NXPH4: variants seen among roughly 807,000 people sequenced by gnomAD.
NXPH4 encodes the protein neurexophilin 4, also known as neurexophilin-4.
A neutral mutation model predicts 21.3 loss-of-function variants in NXPH4; 8 were observed. The observed-to-expected ratio is 0.38, with a 90% confidence interval of 0.22 to 0.68. NXPH4 has a LOEUF of 0.68. Ranked by LOEUF, NXPH4 falls within the 30% of genes least tolerant of loss-of-function variation. The pLI is 0.53. For synonymous variants in NXPH4, 219 were observed against 192.6 expected (o/e 1.14, Z -1.13); for missense variants, 418 against 416.8 (o/e 1.00, Z -0.03).
chr12:57,225,306 G>T lies in NXPH4; in HGVS notation c.486G>T (p.Glu162Asp). 1 of 1,556,238 alleles carries T rather than the reference G, an allele frequency of 6.4e-7. No homozygotes were observed. The highest frequency in any genetic ancestry group is 1.2e-5 in the South Asian group (1 of 82,060). ...VSIVPPSKRVEFGGVWLPGPV... is the reference protein window; with the variant it reads ...VSIVPPSKRVDFGGVWLPGPV... The stretch of plus-strand genomic sequence containing the variant: ...TCGTGCCGCCCTCCAAGCGTGTCGA[G>T]TTCGGAGGAGTCTGGCTGCCCGGGC... The change falls in exon 2 of 2, where the codon GAG becomes GAT. Residue 162 changes from glutamate (E) to aspartate (D), a missense_variant. Physicochemically the swap from Glu to Asp is conservative, Grantham distance 45 (BLOSUM62 2). Coordinates refer to ENST00000349394, the MANE Select transcript of NXPH4 (RefSeq NM_007224.4).
At chr12:57,221,126 ATCCCAG>A (rs1191972845) in intron 1 of NXPH4, among the ~76,000 whole-genome samples, 1 of 151,248 alleles carries the variant, frequency 6.6e-6, no homozygotes, top group African/African-American at 2.4e-5. Context: ...CCAGTCCCCA[ATCCCAG>A]TCCCCCTCCC....
At chr12:57,224,189 G>A (rs1399780132) in intron 1 of NXPH4, among the ~76,000 whole-genome samples, 2 of 151,846 alleles carry the variant, frequency 1.3e-5, no homozygotes, top group African/African-American at 2.4e-5. Flanking sequence ...GCAATGGTGC[G>A]ATCTAGGCTT....
intron 1 of NXPH4, among the ~76,000 whole-genome samples, chr12:57,222,935 T>C (rs973115142): frequency 1.3e-5 from 2 of 151,868 alleles, no homozygotes; most frequent in African/African-American, 4.8e-5. Flanking sequence ...GACCAGGCGG[T>C]GGAGATTCTA....
At position 57,224,985 on chromosome 12, in the gene NXPH4, T is replaced by C. The variant is rs2037127166; in HGVS notation, c.165T>C (p.Ser55=). The C allele has an allele frequency of 6.8e-7, 1 of 1,463,840 alleles. No individual in the cohort carries two copies. The highest frequency in any genetic ancestry group is 2.8e-5 in the East Asian group (1 of 36,266). The allele number at this position is 1,463,840 out of a possible 1,614,324, so 90.7% of individuals were successfully genotyped here. A position where few individuals can be genotyped will look rare whatever the true frequency, so the allele number is the denominator to read the frequency against. ...GCCAGCAGCTCCCAGAGCCAAGGTC[T>C]TCGGACGGCCTAGGCGTGGGCCGCG... is the stretch of plus-strand genomic sequence containing the variant. The part of the protein sequence containing the change: ...APGQQLPEPR[S]SDGLGVGRAW... Residue 55 remains serine (S), a synonymous_variant, in exon 2 of 2, where the codon TCT becomes TCC. Transcript: ENST00000349394.
At chr12:57,221,787 A>G (rs2037094609) in intron 1 of NXPH4, among the ~76,000 whole-genome samples, 1 of 152,156 alleles carries the variant, frequency 6.6e-6, no homozygotes, top group East Asian at 1.9e-4. Context: ...ACCCTCAGCC[A>G]TGGAGGTGGG....
chr12:57,223,251 A>G (rs1386848269), intron 1 of NXPH4, among the ~76,000 whole-genome samples: 1 of 152,160 alleles, frequency 6.6e-6, no homozygotes, highest in Non-Finnish European at 1.5e-5. Flanking sequence ...TGACACCTCC[A>G]GACAACCACA....
chr12:57,216,953 C>T lies in NXPH4; in HGVS notation c.-17C>T, dbSNP rs1455570668. On this transcript the variant is annotated 5_prime_UTR_variant, in exon 1 of 2. Coordinates refer to ENST00000349394, the MANE Select transcript of NXPH4 (RefSeq NM_007224.4). The surrounding 1 kb of genome is among the most constrained non-coding windows in gnomAD (Gnocchi z 5.3). ...CCCGAGACCCGCCCAGCCTGCCCCGCTCAGCCGCCAGAGAAGATGCGGCTG... is the reference window on the plus strand; with the variant it reads ...CCCGAGACCCGCCCAGCCTGCCCCGTTCAGCCGCCAGAGAAGATGCGGCTG... 1.3e-6 allele frequency: 2 copies of T among 1,585,164 alleles called. No homozygotes were observed. The highest frequency in any genetic ancestry group is 1.7e-5 in the Admixed American group (1 of 57,474).
At chr12:57,224,400 G>T (rs1044180864) in intron 1 of NXPH4, among the ~76,000 whole-genome samples, 4 of 152,206 alleles carry the variant, frequency 2.6e-5, no homozygotes, top group African/African-American at 9.7e-5. Context: ...GGGATTACAG[G>T]CGTGAGTCAC....
At chr12:57,217,084 C>T (rs2037047038) in intron 1 of NXPH4, 58 bp downstream of exon 1, 2 of 1,458,290 alleles carry the variant, frequency 1.4e-6, no homozygotes, top group Non-Finnish European at 1.9e-6. Flanking sequence ...ACGCGAAGGT[C>T]CCAGTGTGCG....
Position 57,226,177 on chromosome 12 carries a change from T to C in NXPH4, c.*430T>C. 2.4e-6 allele frequency: 1 copy of C among 422,040 alleles called. No homozygotes were observed. The highest frequency in any genetic ancestry group is 4.2e-6 in the Non-Finnish European group (1 of 239,396). The allele number at this position is 422,040 out of a possible 1,614,324, so 26.1% of individuals were successfully genotyped here. On this transcript the variant is annotated 3_prime_UTR_variant, in exon 2 of 2. Transcript: ENST00000349394. Reference sequence around the variant, plus strand: ...TTGTCCTGCTTCACCCTACCCCGCCTAAGACTGTAAAGGCCTAAAAACCTC... The same window carrying C: ...TTGTCCTGCTTCACCCTACCCCGCCCAAGACTGTAAAGGCCTAAAAACCTC...
chr12:57,225,067 G>A lies in NXPH4; in HGVS notation c.247G>A (p.Ala83Thr), dbSNP rs879011762. The A allele has an allele frequency of 9.5e-6, 14 of 1,474,616 alleles. No homozygotes were observed. In the South Asian group the frequency reaches 1.6e-4, roughly 17 times the overall value. 91.3% of individuals were successfully genotyped at this position (1,474,616 alleles called of 1,614,324 possible). ...HTGALARAGA[A>T]GALPAQRTKR... Reference sequence around the variant, plus strand: ...GGGGGCGCTGGCCCGGGCAGGGGCAGCCGGGGCGTTGCCCGCGCAGCGCAC... The same window carrying A: ...GGGGGCGCTGGCCCGGGCAGGGGCAACCGGGGCGTTGCCCGCGCAGCGCAC... The change falls in exon 2 of 2, where the codon GCC (alanine) becomes ACC (threonine). Residue 83 changes from alanine to threonine, a missense_variant. Transcript: ENST00000349394.
Position 57,224,969 on chromosome 12 carries a change from T to C in NXPH4, c.149T>C (p.Leu50Pro). 7.0e-7 allele frequency: 1 copy of C among 1,431,078 alleles called. No homozygotes were observed. The highest frequency in any genetic ancestry group is 9.2e-7 in the Non-Finnish European group (1 of 1,091,782). The allele number at this position is 1,431,078 out of a possible 1,614,324, so 88.6% of individuals were successfully genotyped here. A position where few individuals can be genotyped will look rare whatever the true frequency, so the allele number is the denominator to read the frequency against. Residue 50 changes from leucine to proline, a missense_variant, in exon 2 of 2, where the codon CTC (leucine) becomes CCC (proline). Transcript: ENST00000349394. ...AAGAGAPGQQLPEPRSSDGLG... is the reference protein window; with the variant it reads ...AAGAGAPGQQPPEPRSSDGLG... ...GGAGCGGGTGCCCCCGGCCAGCAGC[T>C]CCCAGAGCCAAGGTCTTCGGACGGC...
In NXPH4 at chr12:57,225,267, C is replaced by G. The variant is rs1388613248; in HGVS notation, c.447C>G (p.Asn149Lys). 3 of 1,549,716 alleles carry G rather than the reference C, an allele frequency of 1.9e-6. No homozygotes were observed. The African/African-American group carries it at 4.1e-5, about 21-fold the overall frequency. The stretch of plus-strand genomic sequence containing the variant: ...GCCACAACTCGTCCAGCCTGGGCAA[C>G]CTCAGTGTCAGCATCGTGCCGCCCT... Reference protein sequence around the residue: ...YFRHNSSSLGNLSVSIVPPSK... With the variant: ...YFRHNSSSLGKLSVSIVPPSK... Residue 149 changes from asparagine (N) to lysine (K), a missense_variant, in exon 2 of 2, where the codon AAC (asparagine) becomes AAG (lysine). Physicochemically the swap from Asn to Lys is moderately conservative, Grantham distance 94 (BLOSUM62 0). Coordinates refer to ENST00000349394, the MANE Select transcript of NXPH4 (RefSeq NM_007224.4).
chr12:57,220,244 C>G (rs935251346), intron 1 of NXPH4, among the ~76,000 whole-genome samples: 2 of 152,152 alleles, frequency 1.3e-5, no homozygotes, highest in Non-Finnish European at 2.9e-5. Flanking sequence ...TCTCCCCCGC[C>G]TGCCCCTCCT....
At chr12:57,221,235 G>A (rs1007167610) in intron 1 of NXPH4, 9 of 419,558 alleles carry the variant, frequency 2.1e-5, no homozygotes, top group Admixed American at 2.5e-5. Context: ...AGACTCCACC[G>A]GCCCCTATTG....
intron 1 of NXPH4, among the ~76,000 whole-genome samples, chr12:57,222,085 T>C (rs1005210491): frequency 6.6e-6 from 1 of 152,142 alleles, no homozygotes; most frequent in Non-Finnish European, 1.5e-5. Flanking sequence ...TCTTATTTTA[T>C]TTTATTCCAT....
At chr12:57,224,684 A>G (rs1173162679) in intron 1 of NXPH4, among the ~76,000 whole-genome samples, 194 bp from the exon 2 acceptor site, 1 of 152,232 alleles carries the variant, frequency 6.6e-6, no homozygotes, top group Non-Finnish European at 1.5e-5. Context: ...CAGATCCATG[A>G]AGTGACTGGG....
rs756087156 is a variant in NXPH4 at position 57,225,466 on chromosome 12, C to A, written c.646C>A (p.Leu216Ile). The change falls in exon 2 of 2, where the codon CTT becomes ATT. Residue 216 changes from leucine to isoleucine, a missense_variant. Coordinates refer to ENST00000349394, the MANE Select transcript of NXPH4 (RefSeq NM_007224.4). ...CCTCGGGGGCGCACTGGCGGGGCCGCTTGGGGGCGCGTTGGGAGTGCCTGG... is the reference window on the plus strand; with the variant it reads ...CCTCGGGGGCGCACTGGCGGGGCCGATTGGGGGCGCGTTGGGAGTGCCTGG... ...GSLGGALAGPLGGALGVPGAK... is the reference protein window; with the variant it reads ...GSLGGALAGPIGGALGVPGAK... 1.3e-6 allele frequency: 2 copies of A among 1,599,576 alleles called. No individual in the cohort carries two copies. The highest frequency in any genetic ancestry group is 2.2e-5 in the South Asian group (2 of 90,602).
At chr12:57,224,360 A>C (rs1190278037) in intron 1 of NXPH4, among the ~76,000 whole-genome samples, 1 of 151,996 alleles carries the variant, frequency 6.6e-6, no homozygotes, top group African/African-American at 2.4e-5. Context: ...GACCTCAGGC[A>C]ATCTGCCCAC....
Sources: gnomAD v4.1 joint callset for allele counts (sites outside exome capture counted in the v4.1 genomes callset) on GRCh38, gnomAD v4.1.1 for gene constraint, Gnocchi (gnomAD v3.1) non-coding constraint, MANE v1.5 for transcripts, NCBI Gene and HGNC (gene_info 2026-07-23, HGNC 2026-07-21) for gene names.